PRKCE: variants seen among roughly 807,000 people sequenced by gnomAD.
PRKCE encodes protein kinase C epsilon, also known as protein kinase C epsilon type.
Under a neutral mutation model 85.4 loss-of-function variants are expected in PRKCE, and 16 were observed. That is an observed-to-expected ratio of 0.19 (90% CI 0.13 to 0.28). The LOEUF is 0.28. Among genes scored for constraint, PRKCE ranks in the 10% least tolerant of loss-of-function variants. The pLI is 1.00. For missense variants in PRKCE, 573 were observed against 975.2 expected (o/e 0.59, Z 5.49); for synonymous variants, 388 against 371.5 (o/e 1.04, Z -0.51).
chr2:45,716,694 G>A (rs1680147971), intron 1 of PRKCE, among the ~76,000 whole-genome samples: 3 of 98,804 alleles, frequency 3.0e-5, no homozygotes, highest in Non-Finnish European at 6.6e-5. Flanking sequence ...AAGAAGAGAA[G>A]GAAGGAAGGA....
In PRKCE at chr2:46,131,341, C is replaced by T. The variant is rs950578025; in HGVS notation, c.1593-13752C>T. ...CCCCATGCCTTATCACCTCTGCTGA[C>T]TCTCCTGGATCTTCTGATACATCTC... On this transcript the variant is annotated intron_variant, in intron 11 of 14. Coordinates refer to ENST00000306156, the MANE Select transcript of PRKCE (RefSeq NM_005400.3). Among the ~76,000 whole-genome samples, 3 of 152,338 alleles carry T rather than the reference C, an allele frequency of 2.0e-5. No homozygotes were observed. The South Asian group carries it at 6.2e-4, about 32-fold the overall frequency.
At chr2:46,022,231 A>G (rs1706731072) in intron 10 of PRKCE, among the ~76,000 whole-genome samples, 1 of 152,188 alleles carries the variant, frequency 6.6e-6, no homozygotes, top group African/African-American at 2.4e-5. Flanking sequence ...CTGGGCACTG[A>G]CTTTTCTCAT....
intron 6 of PRKCE, among the ~76,000 whole-genome samples, chr2:45,996,579 A>C (rs1231979841): frequency 2.1e-5 from 3 of 144,352 alleles, no homozygotes; most frequent in Admixed American, 6.9e-5. Flanking sequence ...GTCTACATCT[A>C]TTGTTAGAAT....
chr2:45,998,891 C>T (rs769758492), intron 6 of PRKCE, among the ~76,000 whole-genome samples: 5 of 152,082 alleles, frequency 3.3e-5, no homozygotes, highest in Admixed American at 3.3e-4. Context: ...TATGCATTTA[C>T]AACAAATCCA....
chr2:45,903,570 A>T (rs978786598), intron 2 of PRKCE, among the ~76,000 whole-genome samples: 1 of 152,212 alleles, frequency 6.6e-6, no homozygotes, highest in Admixed American at 6.5e-5. Context: ...ACTATGTTCC[A>T]AATATTGCAT....
intron 1 of PRKCE, among the ~76,000 whole-genome samples, chr2:45,659,493 C>A (rs1675534970): frequency 6.6e-6 from 1 of 152,336 alleles, no homozygotes; most frequent in African/African-American, 2.4e-5. Flanking sequence ...CAGCTCCTGT[C>A]TCTGCTCACA....
intron 1 of PRKCE, among the ~76,000 whole-genome samples, chr2:45,789,410 C>G (rs766654550): frequency 6.6e-6 from 1 of 152,144 alleles, no homozygotes. Flanking sequence ...TGACAAAAGC[C>G]TAGGACCATA....
intron 10 of PRKCE, among the ~76,000 whole-genome samples, chr2:46,074,429 CAAAAAA>C (rs11287357): frequency 0.014 from 1,307 of 93,876 alleles, 16 homozygotes; most frequent in Non-Finnish European, 0.018. Context: ...CAACAACAAC[CAAAAAA>C]AAAAAAAAAA....
At chr2:45,908,600 G>C (rs978996337) in intron 2 of PRKCE, among the ~76,000 whole-genome samples, 2 of 152,132 alleles carry the variant, frequency 1.3e-5, no homozygotes, top group Admixed American at 1.3e-4. Flanking sequence ...TCATCTGAGG[G>C]GCAAGGGTCC....
At chr2:45,666,945 A>G (rs1558537711) in intron 1 of PRKCE, among the ~76,000 whole-genome samples, 1 of 152,126 alleles carries the variant, frequency 6.6e-6, no homozygotes, top group African/African-American at 2.4e-5. Flanking sequence ...GGGTCAAGGG[A>G]TCCTCTTGCC....
intron 2 of PRKCE, among the ~76,000 whole-genome samples, chr2:45,914,548 A>T (rs1220344621): frequency 6.6e-6 from 1 of 151,930 alleles, no homozygotes; most frequent in African/African-American, 2.4e-5. Context: ...ACCAGTCCCT[A>T]CCTCCATGTT....
intron 1 of PRKCE, among the ~76,000 whole-genome samples, chr2:45,802,236 G>A (rs918084941): frequency 1.3e-5 from 2 of 152,122 alleles, no homozygotes; most frequent in African/African-American, 4.8e-5. Context: ...CAGCCTGGGT[G>A]ACAGAGTGAG....
intron 11 of PRKCE, among the ~76,000 whole-genome samples, chr2:46,125,282 C>A (rs1038716596): frequency 6.6e-6 from 1 of 152,060 alleles, no homozygotes; most frequent in Non-Finnish European, 1.5e-5. Flanking sequence ...AGGCGTCATC[C>A]CCGGTATGTG....
chr2:45,812,714 C>T (rs192096095), intron 1 of PRKCE, among the ~76,000 whole-genome samples: 59 of 152,200 alleles, frequency 3.9e-4, no homozygotes, highest in Admixed American at 7.9e-4. Context: ...AGGTTAGGAC[C>T]CTTAAATGTG....
intron 2 of PRKCE, among the ~76,000 whole-genome samples, chr2:45,846,962 G>A (rs374951651): frequency 6.6e-6 from 1 of 152,234 alleles, no homozygotes; most frequent in African/African-American, 2.4e-5. Context: ...GCATCTGGCA[G>A]GCTATTCAGG....
chr2:46,156,168 G>T (rs1198225535), intron 13 of PRKCE, among the ~76,000 whole-genome samples: 1 of 151,786 alleles, frequency 6.6e-6, no homozygotes, highest in South Asian at 2.1e-4. Context: ...TAGCCTCCAG[G>T]GTTCTGCATC....
intron 11 of PRKCE, among the ~76,000 whole-genome samples, chr2:46,120,939 AC>A (rs1399943388): frequency 1.3e-5 from 2 of 152,162 alleles, no homozygotes; most frequent in African/African-American, 2.4e-5. Context: ...CACAGCTGTT[AC>A]GTTTGTTCAC....
Position 46,159,948 on chromosome 2 carries a change from C to A in PRKCE, c.2067+196C>A. 1.8e-6 allele frequency: 1 copy of A among 566,364 alleles called. No homozygotes were observed. Among genetic ancestry groups the A allele is most frequent in the African/African-American group, 2.0e-5 (1 of 50,900 alleles). The allele number at this position is 566,364 out of a possible 1,614,324, so 35.1% of individuals were successfully genotyped here. A position where few individuals can be genotyped will look rare whatever the true frequency, so the allele number is the denominator to read the frequency against. ...TTTACTATTGAAAACATGTAACCTA[C>A]TACAGCAGCACCCAAGATGATGATT... On this transcript the variant is annotated intron_variant, in intron 14 of 14. Coordinates refer to ENST00000306156, the MANE Select transcript of PRKCE (RefSeq NM_005400.3). The surrounding 1 kb of genome is among the most constrained non-coding windows in gnomAD (Gnocchi z 4.1).
At chr2:45,702,143 C>A (rs1240874811) in intron 1 of PRKCE, among the ~76,000 whole-genome samples, 3 of 152,030 alleles carry the variant, frequency 2.0e-5, no homozygotes, top group East Asian at 1.9e-4. Flanking sequence ...GAGCTGAGAT[C>A]GCACCACTGC....
Sources: allele counts gnomAD v4.1 joint callset (sites outside exome capture counted in the v4.1 genomes callset), GRCh38; gene constraint gnomAD v4.1.1; non-coding constraint Gnocchi (gnomAD v3.1); transcripts MANE v1.5; gene names NCBI Gene and HGNC (gene_info 2026-07-23, HGNC 2026-07-21).